HS2ST1: variants seen among roughly 807,000 people sequenced by gnomAD.
HS2ST1 encodes 2-O-sulfotransferase.
Under a neutral mutation model 42.9 loss-of-function variants are expected in HS2ST1, and 18 were observed. The observed-to-expected ratio is 0.42, with a 90% CI of 0.29 to 0.62. The LOEUF (loss-of-function observed/expected upper bound fraction) is 0.62, where lower values mean the gene tolerates loss of function less well. Ranked by LOEUF, HS2ST1 falls within the 20% of genes least tolerant of loss-of-function variation. HS2ST1 has a pLI of 0.21. For synonymous variants in HS2ST1, 146 were observed against 152.9 expected, an observed-to-expected ratio of 0.95 and a Z score of 0.33; for missense variants, 334 against 433.8, an observed-to-expected ratio of 0.77 and a Z score of 2.04.
At chr1:86,979,265 G>A (rs965520672) in intron 1 of HS2ST1, among the ~76,000 whole-genome samples, 9 of 151,978 alleles carry the variant, frequency 5.9e-5, no homozygotes, top group African/African-American at 9.7e-5. Context: ...TTAACATTAC[G>A]TTCATAGAGT....
At chr1:86,990,253 A>G (rs1436983347) in intron 1 of HS2ST1, among the ~76,000 whole-genome samples, 1 of 152,192 alleles carries the variant, frequency 6.6e-6, no homozygotes, top group Non-Finnish European at 1.5e-5. Flanking sequence ...TTTATTTGGA[A>G]CATTCCACAG....
At chr1:87,062,420 A>G (rs1261911403) in intron 1 of HS2ST1, among the ~76,000 whole-genome samples, 3 of 152,022 alleles carry the variant, frequency 2.0e-5, no homozygotes, top group Non-Finnish European at 4.4e-5. Context: ...TCATTTTACC[A>G]ATTCAGGTGA....
intron 5 of HS2ST1, among the ~76,000 whole-genome samples, chr1:87,100,392 A>G (rs1652171202): frequency 6.6e-6 from 1 of 152,088 alleles, no homozygotes; most frequent in East Asian, 1.9e-4. Context: ...TGTGGGGAGC[A>G]ATGTCCCAAG....
At chr1:86,917,015 AT>A (rs955641464) in intron 1 of HS2ST1, among the ~76,000 whole-genome samples, 7 of 152,330 alleles carry the variant, frequency 4.6e-5, no homozygotes, top group Admixed American at 1.3e-4. Context: ...CACAGTTAAA[AT>A]ATAAAGTGCT....
intron 1 of HS2ST1, among the ~76,000 whole-genome samples, chr1:86,920,293 C>T (rs1660267081): frequency 6.6e-6 from 1 of 152,198 alleles, no homozygotes; most frequent in South Asian, 2.1e-4. Context: ...GACTAAACAA[C>T]TAATTCCAGG....
At chr1:86,994,138 A>G (rs1649030460) in intron 1 of HS2ST1, among the ~76,000 whole-genome samples, 1 of 152,228 alleles carries the variant, frequency 6.6e-6, no homozygotes, top group Admixed American at 6.5e-5. Flanking sequence ...TATATTACCT[A>G]TGAAGCATCA....
intron 1 of HS2ST1, among the ~76,000 whole-genome samples, chr1:86,968,057 C>A (rs1648099553): frequency 6.6e-6 from 1 of 152,142 alleles, no homozygotes; most frequent in Admixed American, 6.6e-5. Flanking sequence ...TGATGTTGAG[C>A]AGCGTTTCAT....
chr1:86,922,287 A>G (rs1393026649), intron 1 of HS2ST1, among the ~76,000 whole-genome samples: 2 of 151,332 alleles, frequency 1.3e-5, no homozygotes, highest in African/African-American at 2.4e-5. Context: ...GTCATTATAC[A>G]TTTTACTTCT....
intron 5 of HS2ST1, among the ~76,000 whole-genome samples, chr1:87,099,350 C>T (rs780908500): frequency 1.2e-4 from 19 of 152,146 alleles, no homozygotes; most frequent in Admixed American, 9.8e-4. Context: ...CAGAAGGTGA[C>T]GCAGGAACAG....
chr1:86,977,667 C>G (rs1325665138), intron 1 of HS2ST1, among the ~76,000 whole-genome samples: 1 of 152,204 alleles, frequency 6.6e-6, no homozygotes, highest in Non-Finnish European at 1.5e-5. Context: ...GGACTTTTAA[C>G]CTCAAGCCCA....
intron 4 of HS2ST1, among the ~76,000 whole-genome samples, chr1:87,093,315 C>A (rs1395286955): frequency 6.6e-6 from 1 of 152,066 alleles, no homozygotes; most frequent in Admixed American, 6.6e-5. Context: ...AGTGCTTCGG[C>A]CACATGAAAT....
At chr1:87,079,055 C>T (rs1651615497) in intron 2 of HS2ST1, among the ~76,000 whole-genome samples, 1 of 151,986 alleles carries the variant, frequency 6.6e-6, no homozygotes, top group Admixed American at 6.6e-5. Flanking sequence ...AAGGGAGTTA[C>T]TCATATTATT....
intron 1 of HS2ST1, among the ~76,000 whole-genome samples, chr1:86,977,798 T>C (rs919475704): frequency 2.6e-5 from 4 of 152,176 alleles, no homozygotes; most frequent in African/African-American, 7.2e-5. Flanking sequence ...GTAACACTTA[T>C]TTTGTTTTTC....
intron 1 of HS2ST1, among the ~76,000 whole-genome samples, chr1:87,003,793 GC>G (rs1431755876): frequency 2.4e-4 from 37 of 152,138 alleles, no homozygotes; most frequent in African/African-American, 8.4e-4. Flanking sequence ...GGTGTAATAA[GC>G]AACCTAGAGA....
Position 87,108,047 on chromosome 1 carries a change from T to C in HS2ST1, c.*3351T>C, listed in dbSNP as rs1203185028. 1 of 152,138 alleles carries C rather than the reference T, an allele frequency of 6.6e-6. No homozygotes were observed. Among genetic ancestry groups the C allele is most frequent in the African/African-American group, 2.4e-5 (1 of 41,464 alleles). The allele number at this position is 152,138 out of a possible 1,614,324, so 9.4% of individuals were successfully genotyped here. A position where few individuals can be genotyped will look rare whatever the true frequency, so the allele number is the denominator to read the frequency against. ...ATCTGTTGCTTTTTCTCAATATGTG[T>C]CCTATTGGAAATTCCTCAAATCGTT... On this transcript the variant is annotated 3_prime_UTR_variant, in exon 7 of 7. Transcript: ENST00000370550.
At chr1:86,976,034 C>G (rs1287347236) in intron 1 of HS2ST1, among the ~76,000 whole-genome samples, 1 of 152,090 alleles carries the variant, frequency 6.6e-6, no homozygotes, top group Non-Finnish European at 1.5e-5. Flanking sequence ...TAGCATAAAA[C>G]CAAAGTGTAC....
Position 87,092,605 on chromosome 1 carries a change from A to G in HS2ST1, c.524A>G (p.Tyr175Cys). 1 of 1,591,524 alleles carries G rather than the reference A, an allele frequency of 6.3e-7. No individual in the cohort carries two copies. Among genetic ancestry groups the G allele is most frequent in the Admixed American group, 1.8e-5 (1 of 56,468 alleles). ...ATTGAGAGGCTAGTTTCTTATTATT[A>G]CTTTCTGAGATTTGGAGATGATTAT... ...DPIERLVSYY[Y>C]FLRFGDDYRP... Residue 175 changes from tyrosine to cysteine, a missense_variant, in exon 4 of 7, where the codon TAC becomes TGC. By Grantham distance (194) the Tyr-to-Cys change is radical. Coordinates refer to ENST00000370550, the MANE Select transcript of HS2ST1 (RefSeq NM_012262.4).
At chr1:87,094,583 A>C (rs1352518223) in intron 4 of HS2ST1, among the ~76,000 whole-genome samples, 1 of 152,150 alleles carries the variant, frequency 6.6e-6, no homozygotes, top group Admixed American at 6.6e-5. Flanking sequence ...CTCTAATTCC[A>C]GAGCCCATAC....
chr1:86,966,896 C>T (rs1557497303), intron 1 of HS2ST1, among the ~76,000 whole-genome samples: 3 of 147,266 alleles, frequency 2.0e-5, no homozygotes, highest in East Asian at 3.9e-4. Flanking sequence ...GAGTGCATTC[C>T]TTTTTTTTTT....
Sources: gnomAD v4.1 joint callset for allele counts (sites outside exome capture counted in the v4.1 genomes callset) on GRCh38, gnomAD v4.1.1 for gene constraint, MANE v1.5 for transcripts, NCBI Gene and HGNC (gene_info 2026-07-23, HGNC 2026-07-21) for gene names.